The following UBE2H variants were observed in gnomAD, a reference collection of about 807,000 sequenced individuals.
UBE2H encodes the protein ubiquitin conjugating enzyme E2 H, also known as ubiquitin-conjugating enzyme E2 H.
In UBE2H, 3 loss-of-function variants were observed where a neutral mutation model predicts 29.0. That is an observed-to-expected ratio of 0.10 (90% CI 0.05 to 0.27). The LOEUF (loss-of-function observed/expected upper bound fraction) is 0.27, where lower values mean the gene tolerates loss of function less well. Among genes scored for constraint, UBE2H ranks in the 10% least tolerant of loss-of-function variants. The pLI, the probability that UBE2H is intolerant of heterozygous loss-of-function variation, is 1.00. For missense variants in UBE2H, 68 were observed against 228.2 expected (o/e 0.30, Z 4.52); for synonymous variants, 69 against 82.9 (o/e 0.83, Z 0.91).
intron 1 of UBE2H, chr7:129,951,248 A>T (rs1309702886): frequency 1.3e-5 from 2 of 152,246 alleles, no homozygotes; most frequent in Non-Finnish European, 2.9e-5. Flanking sequence ...AAAAACAGCA[A>T]CAAATAAAAG....
At position 129,952,624 on chromosome 7, in the gene UBE2H, G is replaced by A; in HGVS notation, c.-69C>T. 1 of 1,555,440 alleles carries A rather than the reference G, an allele frequency of 6.4e-7. No homozygotes were observed. The stretch of plus-strand genomic sequence containing the variant: ...GGGCCCGGGGCCCCGGCTCTGAGGA[G>A]CCCGCGGCCGCGCCGGCTCCTCGGT... On this transcript the variant is annotated 5_prime_UTR_variant, in exon 1 of 7. Transcript: ENST00000355621.
chr7:129,857,306 A>T (rs537027456), intron 5 of UBE2H: 1 of 576,890 alleles, frequency 1.7e-6, no homozygotes, highest in Non-Finnish European at 3.0e-6. Context: ...AATCTCAAAA[A>T]ATCATTTTAA....
intron 1 of UBE2H, among the ~76,000 whole-genome samples, chr7:129,931,240 T>C (rs1807388588): frequency 6.9e-6 from 1 of 145,920 alleles, no homozygotes; most frequent in African/African-American, 2.6e-5. Context: ...AAAAAAAAAA[T>C]TGCCACGCGT....
chr7:129,910,996 G>C (rs1806924461), intron 1 of UBE2H, among the ~76,000 whole-genome samples: 1 of 152,132 alleles, frequency 6.6e-6, no homozygotes, highest in Non-Finnish European at 1.5e-5. Flanking sequence ...ATCTCCAACA[G>C]TCCAGGTAAG....
chr7:129,931,255 G>T (rs1193618525), intron 1 of UBE2H, among the ~76,000 whole-genome samples: 1 of 151,406 alleles, frequency 6.6e-6, no homozygotes, highest in African/African-American at 2.4e-5. Context: ...ACGCGTGGTG[G>T]TATGCGCCTG....
At chr7:129,846,841 C>T (rs2116286533) in intron 5 of UBE2H, among the ~76,000 whole-genome samples, 1 of 152,278 alleles carries the variant, frequency 6.6e-6, no homozygotes, top group African/African-American at 2.4e-5. Flanking sequence ...TCCCCTTTCT[C>T]CTTCTACTAC....
intron 1 of UBE2H, among the ~76,000 whole-genome samples, chr7:129,929,317 C>CAAAA (rs1255962023): frequency 1.6e-4 from 15 of 91,472 alleles, no homozygotes; most frequent in Non-Finnish European, 2.8e-4. Context: ...AACTCCATCT[C>CAAAA]AAAAAAAAAA....
Position 129,839,264 on chromosome 7 carries a change from C to T in UBE2H, c.370G>A (p.Gly124Ser). The change falls in exon 6 of 7, where the codon GGT becomes AGT. Residue 124 changes from glycine (G) to serine (S), a missense_variant. By Grantham distance (56) the Gly-to-Ser change is moderately conservative (BLOSUM62 0). Around this residue, in one of 3 missense-constraint regions of UBE2H, gnomAD observed 40 missense variants for 174.1 expected, o/e 0.23. Transcript: ENST00000355621. ...TGGAGGTACATGGCTGCAGCGTCAC[C>T]ATTGAGAGGATCTATGGGGTTAGGA... ...AYPNPIDPLN[G>S]DAAAMYLHRP... 1 of 1,613,898 alleles carries T rather than the reference C, an allele frequency of 6.2e-7. No homozygotes were observed. The highest frequency in any genetic ancestry group is 8.5e-7 in the Non-Finnish European group (1 of 1,179,956).
intron 2 of UBE2H, 82 bp from the exon 3 acceptor site, chr7:129,879,724 C>G (rs975041274): frequency 1.5e-6 from 2 of 1,301,364 alleles, no homozygotes; most frequent in African/African-American, 3.0e-5. Flanking sequence ...ACATTATCCC[C>G]TAATCTTCTG....
At chr7:129,948,625 G>A (rs1238528017) in intron 1 of UBE2H, among the ~76,000 whole-genome samples, 3 of 152,078 alleles carry the variant, frequency 2.0e-5, no homozygotes, top group Admixed American at 2.0e-4. Flanking sequence ...GGCCAGCCTG[G>A]TAACCTAGTC....
At chr7:129,951,968 G>C (rs1032828929) in intron 1 of UBE2H, among the ~76,000 whole-genome samples, 3 of 152,260 alleles carry the variant, frequency 2.0e-5, no homozygotes, top group Non-Finnish European at 4.4e-5. Context: ...AGAAGAGGGG[G>C]CCCTGAGCAG....
chr7:129,934,956 T>G (rs1196530454), intron 1 of UBE2H, among the ~76,000 whole-genome samples: 1 of 150,754 alleles, frequency 6.6e-6, no homozygotes, highest in Non-Finnish European at 1.5e-5. Context: ...TGTGTGTGTG[T>G]GTATATATAT....
chr7:129,854,365 T>C (rs977627473), intron 5 of UBE2H, among the ~76,000 whole-genome samples: 6 of 152,228 alleles, frequency 3.9e-5, no homozygotes, highest in Non-Finnish European at 4.4e-5. Context: ...TCTTCAGAAA[T>C]AGTTTTGAGC....
At chr7:129,949,724 A>C (rs1807835748) in intron 1 of UBE2H, among the ~76,000 whole-genome samples, 1 of 152,178 alleles carries the variant, frequency 6.6e-6, no homozygotes, top group Non-Finnish European at 1.5e-5. Flanking sequence ...GGCAGCGGCC[A>C]ATTAGTTACA....
chr7:129,891,953 C>CTTT (rs753851134), intron 1 of UBE2H, among the ~76,000 whole-genome samples: 20 of 127,136 alleles, frequency 1.6e-4, no homozygotes, highest in Non-Finnish European at 3.3e-5. Flanking sequence ...CATGCTACAC[C>CTTT]TTTTTTTTTT....
chr7:129,839,705 GTTTT>G (rs1338351614), intron 5 of UBE2H: 7 of 242,478 alleles, frequency 2.9e-5, no homozygotes, highest in East Asian at 1.7e-4. Context: ...TTTTTGTGGG[GTTTT>G]TTTGTTTGTT....
chr7:129,856,152 G>A (rs1805701239), intron 5 of UBE2H, among the ~76,000 whole-genome samples: 1 of 152,192 alleles, frequency 6.6e-6, no homozygotes, highest in African/African-American at 2.4e-5. Context: ...ACCTTTCTCT[G>A]TGATTCTCAT....
At chr7:129,849,734 G>A (rs1447027229) in intron 5 of UBE2H, among the ~76,000 whole-genome samples, 1 of 152,184 alleles carries the variant, frequency 6.6e-6, no homozygotes, top group Non-Finnish European at 1.5e-5. Context: ...ACTGGCCACA[G>A]GGCTCACAAT....
intron 5 of UBE2H, among the ~76,000 whole-genome samples, chr7:129,848,763 G>A (rs74705069): frequency 0.063 from 9,453 of 151,076 alleles, 365 homozygotes; most frequent in Non-Finnish European, 0.092. Flanking sequence ...AGCCAACCAT[G>A]AAATCTCATT....
Sources: allele counts gnomAD v4.1 joint callset (sites outside exome capture counted in the v4.1 genomes callset), GRCh38; gene constraint gnomAD v4.1.1; regional missense constraint gnomAD v4.1.1; transcripts MANE v1.5; gene names NCBI Gene and HGNC (gene_info 2026-07-23, HGNC 2026-07-21).